The following STAG1 variants were observed in gnomAD, a reference collection of about 807,000 sequenced individuals.
STAG1 encodes the protein cohesin subunit SA-1.
In STAG1, 26 loss-of-function variants were observed where a neutral mutation model predicts 170.9. That is an observed-to-expected ratio of 0.15 (90% confidence interval 0.11 to 0.21). The LOEUF (loss-of-function observed/expected upper bound fraction) is 0.21. STAG1 is among the 10% of genes least tolerant of loss of function. The probability of loss-of-function intolerance (pLI) is 1.00; values close to 1 mark genes in which losing one functional copy is unlikely to be tolerated. For missense variants in STAG1, 964 were observed against 1,509.5 expected (o/e 0.64, Z 5.99); for synonymous variants, 514 against 497.7 (o/e 1.03, Z -0.44).
chr3:136,392,151 C>A (rs530131221), intron 22 of STAG1, among the ~76,000 whole-genome samples: 9 of 152,228 alleles, frequency 5.9e-5, no homozygotes, highest in Non-Finnish European at 1.2e-4. Flanking sequence ...TATATACAAT[C>A]ATTGACCTAG....
chr3:136,564,812 T>C (rs957213545), intron 5 of STAG1, among the ~76,000 whole-genome samples: 11 of 151,864 alleles, frequency 7.2e-5, no homozygotes, highest in Middle Eastern at 3.4e-3. Context: ...AACCAACCCA[T>C]ACACAAAAAT....
At chr3:136,460,774 A>C (rs1342394716) in intron 13 of STAG1, among the ~76,000 whole-genome samples, 1 of 152,136 alleles carries the variant, frequency 6.6e-6, no homozygotes, top group Non-Finnish European at 1.5e-5. Context: ...TTCTACTCAA[A>C]CTATTCCAGA....
intron 21 of STAG1, chr3:136,417,412 T>C (rs1322799830): frequency 2.0e-5 from 3 of 153,034 alleles, no homozygotes; most frequent in Admixed American, 2.0e-4. Flanking sequence ...GCAAAGTTTG[T>C]TGAATTTCTG....
rs1934978549 is a variant in STAG1, at chr3:136,525,734, G to A, written c.472-4317C>T. Among the ~76,000 whole-genome samples the A allele has an allele frequency of 1.1e-4, 17 of 152,188 alleles. No homozygotes were observed. The South Asian group carries it at 3.5e-3, about 32-fold the overall frequency. ...TCCTGCTTTCTCTTGTGGGCATTTA[G>A]TGCTATAAATTTCCCTCTACACACT... On this transcript the variant is annotated intron_variant, in intron 6 of 33. Coordinates refer to ENST00000383202, the MANE Select transcript of STAG1 (RefSeq NM_005862.3).
At chr3:136,540,848 A>AAAAAAAAAAAAC (rs1935860549) in intron 6 of STAG1, among the ~76,000 whole-genome samples, 1 of 147,598 alleles carries the variant, frequency 6.8e-6, no homozygotes, top group African/African-American at 2.5e-5. Flanking sequence ...AAAAAAAAAA[A>AAAAAAAAAAAAC]AAAACCTATA....
intron 15 of STAG1, 49 bp downstream of exon 15, chr3:136,443,238 A>G (rs377661131): frequency 2.4e-5 from 31 of 1,304,360 alleles, no homozygotes; most frequent in Middle Eastern, 1.8e-4. Context: ...CTGTATTGCT[A>G]TCAATGGAAA....
intron 3 of STAG1, among the ~76,000 whole-genome samples, chr3:136,612,352 AT>A (rs764358659): frequency 1.3e-5 from 2 of 151,990 alleles, no homozygotes; most frequent in Non-Finnish European, 2.9e-5. Flanking sequence ...CACACCTCTA[AT>A]CCCCGTACAT....
chr3:136,599,441 G>C (rs1429361711), intron 4 of STAG1, among the ~76,000 whole-genome samples: 4 of 152,170 alleles, frequency 2.6e-5, no homozygotes, highest in African/African-American at 9.7e-5. Flanking sequence ...TGAAGCAGGA[G>C]AGTGGTGTGA....
intron 5 of STAG1, among the ~76,000 whole-genome samples, chr3:136,549,602 G>A (rs1490397344): frequency 6.6e-6 from 1 of 151,534 alleles, no homozygotes; most frequent in East Asian, 1.9e-4. Context: ...TGCCCAGCCT[G>A]GTTTTCTATA....
At chr3:136,571,179 T>G (rs940385558) in intron 4 of STAG1, among the ~76,000 whole-genome samples, 1 of 152,216 alleles carries the variant, frequency 6.6e-6, no homozygotes, top group Non-Finnish European at 1.5e-5. Flanking sequence ...AGAATTTTAA[T>G]TCCCAAAGTG....
At chr3:136,717,723 A>C (rs1488117198) in intron 1 of STAG1, among the ~76,000 whole-genome samples, 2 of 152,220 alleles carry the variant, frequency 1.3e-5, no homozygotes, top group African/African-American at 4.8e-5. Flanking sequence ...CAGAAAAGAG[A>C]TGATGGATCT....
rs950609379 is a variant in STAG1, at chr3:136,628,145, C to T, written c.29+2725G>A. 6.6e-5 allele frequency among the ~76,000 whole-genome samples: 10 copies of T among 152,194 alleles called. 1 individual carries two copies. In the East Asian group the frequency reaches 7.7e-4, roughly 12 times the overall value. On this transcript the variant is annotated intron_variant, in intron 2 of 33. Transcript: ENST00000383202. Reference sequence around the variant, plus strand: ...CTGTTGTTGTGATAGTGAGTTCTCACGAGATCTGATGGTTTAAAGTGTGGT... The same window carrying T: ...CTGTTGTTGTGATAGTGAGTTCTCATGAGATCTGATGGTTTAAAGTGTGGT...
Position 136,631,000 on chromosome 3 carries a change from A to C in STAG1, c.-83-19T>G. 8.9e-7 allele frequency: 1 copy of C among 1,127,016 alleles called. No individual in the cohort carries two copies. The highest frequency in any genetic ancestry group is 1.3e-6 in the Non-Finnish European group (1 of 797,422). 69.8% of individuals were successfully genotyped at this position (1,127,016 alleles called of 1,614,324 possible). On this transcript the variant is annotated intron_variant, in intron 1 of 33. Coordinates refer to ENST00000383202, the MANE Select transcript of STAG1 (RefSeq NM_005862.3). Reference sequence around the variant, plus strand: ...GGCAATCCTGTCAATTAAAAAAAAGAAATTATTTTAAAATAAAATGAGGAT... The same window carrying C: ...GGCAATCCTGTCAATTAAAAAAAAGCAATTATTTTAAAATAAAATGAGGAT...
intron 5 of STAG1, among the ~76,000 whole-genome samples, chr3:136,559,084 T>C (rs2107748665): frequency 6.6e-6 from 1 of 152,208 alleles, no homozygotes; most frequent in East Asian, 1.9e-4. Context: ...ATATAAGATG[T>C]CACAATTTAA....
intron 21 of STAG1, among the ~76,000 whole-genome samples, chr3:136,415,492 T>C (rs2087745366): frequency 6.6e-6 from 1 of 152,184 alleles, no homozygotes. Flanking sequence ...TGAATTCTTA[T>C]TGTAAGTACA....
chr3:136,739,389 A>G (rs921488464), intron 1 of STAG1, among the ~76,000 whole-genome samples: 1 of 151,730 alleles, frequency 6.6e-6, no homozygotes, highest in Non-Finnish European at 1.5e-5. Flanking sequence ...GCCTGGTGGC[A>G]CACACCTGTG....
chr3:136,715,766 GTT>G (rs1272811338), intron 1 of STAG1, among the ~76,000 whole-genome samples: 1 of 146,804 alleles, frequency 6.8e-6, no homozygotes, highest in Non-Finnish European at 1.5e-5. Flanking sequence ...AACTACTGTA[GTT>G]TTTTTTTTTT....
intron 6 of STAG1, among the ~76,000 whole-genome samples, chr3:136,528,349 G>T (rs2107922778): frequency 6.6e-6 from 1 of 152,232 alleles, no homozygotes; most frequent in Non-Finnish European, 1.5e-5. Context: ...AGCAGTGAGT[G>T]AGGCTCCGTG....
chr3:136,540,521 G>A (rs1935839275), intron 6 of STAG1, among the ~76,000 whole-genome samples: 1 of 151,816 alleles, frequency 6.6e-6, no homozygotes, highest in South Asian at 2.1e-4. Context: ...ATTTACAGGA[G>A]TATTTTAAGT....
Sources: allele counts gnomAD v4.1 joint callset (sites outside exome capture counted in the v4.1 genomes callset), GRCh38; gene constraint gnomAD v4.1.1; transcripts MANE v1.5; gene names NCBI Gene and HGNC (gene_info 2026-07-23, HGNC 2026-07-21).